PRH1: variants seen among roughly 807,000 people sequenced by gnomAD.
PRH1 encodes salivary acidic proline-rich phosphoprotein 1/2.
A neutral mutation model predicts 7.9 loss-of-function variants in PRH1; 7 were observed. That is an observed-to-expected ratio of 0.89 (90% confidence interval 0.50 to 1.67). PRH1 has a LOEUF of 1.67. Among genes scored for constraint, PRH1 ranks in the 40% most tolerant of loss-of-function variants. The probability of loss-of-function intolerance (pLI) is 0.00; values close to 1 mark genes in which losing one functional copy is unlikely to be tolerated. For synonymous variants in PRH1, 45 were observed against 80.8 expected, an observed-to-expected ratio of 0.56 and a Z score of 2.38; for missense variants, 109 against 223.6, an observed-to-expected ratio of 0.49 and a Z score of 3.27.
At chr12:11,129,478 G>T (rs986134072) in intron 1 of PRH1, among the ~76,000 whole-genome samples, 6 of 152,290 alleles carry the variant, frequency 3.9e-5, no homozygotes, top group African/African-American at 1.4e-4. Flanking sequence ...GAATGGAACT[G>T]GTCACTGTCA....
At chr12:11,039,454 C>T (rs1260922918) in intron 1 of PRH1, among the ~76,000 whole-genome samples, 28 of 152,326 alleles carry the variant, frequency 1.8e-4, no homozygotes, top group Admixed American at 6.5e-5. Context: ...TTTTCCACAT[C>T]GTTGTTGAAG....
intron 2 of PRH1, among the ~76,000 whole-genome samples, chr12:10,945,332 T>C (rs1950469891): frequency 6.6e-6 from 1 of 152,154 alleles, no homozygotes; most frequent in South Asian, 2.1e-4. Flanking sequence ...TTCTTTTCTA[T>C]TTTCCCTAAG....
At chr12:11,149,233 A>T (rs1946980788) in intron 1 of PRH1, among the ~76,000 whole-genome samples, 1 of 151,982 alleles carries the variant, frequency 6.6e-6, no homozygotes, top group Non-Finnish European at 1.5e-5. Flanking sequence ...CTTTCAAAAA[A>T]CCAGCTCCTG....
At chr12:10,896,292 C>A (rs918238238) in intron 2 of PRH1, among the ~76,000 whole-genome samples, 1 of 152,108 alleles carries the variant, frequency 6.6e-6, no homozygotes, top group East Asian at 1.9e-4. Context: ...TCATCTACCA[C>A]CCTGGGCTAG....
chr12:11,122,713 A>ACT (rs1945952107), intron 1 of PRH1, among the ~76,000 whole-genome samples: 2 of 152,294 alleles, frequency 1.3e-5, no homozygotes. Flanking sequence ...GTATACAAAT[A>ACT]GTGGATTTTT....
chr12:11,133,319 T>A (rs1199025126), intron 1 of PRH1: 1 of 1,613,514 alleles, frequency 6.2e-7, no homozygotes, highest in Middle Eastern at 1.7e-4. Flanking sequence ...TGTGAATCTA[T>A]GGAGACGAAG....
chr12:11,141,890 T>A (rs1459540092), intron 1 of PRH1, among the ~76,000 whole-genome samples: 1 of 152,126 alleles, frequency 6.6e-6, no homozygotes, highest in African/African-American at 2.4e-5. Context: ...TGGGCCCAAG[T>A]GGTCCTCCCA....
intron 1 of PRH1, among the ~76,000 whole-genome samples, chr12:11,057,693 A>G (rs912490403): frequency 6.6e-6 from 1 of 152,208 alleles, no homozygotes; most frequent in African/African-American, 2.4e-5. Context: ...GCAGATTACC[A>G]TAAACTTCAA....
At chr12:10,976,912 A>G (rs953783317) in intron 1 of PRH1, among the ~76,000 whole-genome samples, 9 of 152,070 alleles carry the variant, frequency 5.9e-5, no homozygotes, top group Admixed American at 4.6e-4. Flanking sequence ...CCAAAATTGA[A>G]TCAGTAATAA....
chr12:10,957,441 A>G (rs2047680641), intron 2 of PRH1, among the ~76,000 whole-genome samples: 1 of 152,164 alleles, frequency 6.6e-6, no homozygotes, highest in Admixed American at 6.5e-5. Context: ...AAAATGTAAA[A>G]CCTAAAACTA....
At chr12:11,085,478 T>C (rs1488193573) in intron 1 of PRH1, among the ~76,000 whole-genome samples, 1 of 116,858 alleles carries the variant, frequency 8.6e-6, no homozygotes. Flanking sequence ...CAAGGCCTAA[T>C]GGACAAGATT....
intron 1 of PRH1, among the ~76,000 whole-genome samples, chr12:11,151,930 G>T (rs1474263588): frequency 7.9e-6 from 1 of 126,518 alleles, no homozygotes; most frequent in Non-Finnish European, 1.8e-5. Flanking sequence ...CATTTCTTTG[G>T]TATGTCATAT....
chr12:11,030,377 A>G (rs1202855798), intron 1 of PRH1: 11 of 1,599,010 alleles, frequency 6.9e-6, no homozygotes, highest in Non-Finnish European at 9.4e-6. Context: ...GTTTTCTGCT[A>G]GAAGACACAC....
intron 1 of PRH1, among the ~76,000 whole-genome samples, chr12:10,990,150 A>G (rs1358541523): frequency 2.0e-5 from 3 of 152,244 alleles, no homozygotes; most frequent in Non-Finnish European, 2.9e-5. Context: ...AATAGAATAG[A>G]GAATGTGGAA....
chr12:10,973,536 A>G (rs1938933965), intron 2 of PRH1: 1 of 588,122 alleles, frequency 1.7e-6, no homozygotes, highest in Non-Finnish European at 3.1e-6. Flanking sequence ...AGTAGGCTTT[A>G]TGAGAAGTTA....
chr12:11,168,384 GAA>G (rs71055099), intron 1 of PRH1, among the ~76,000 whole-genome samples: 1 of 6,972 alleles, frequency 1.4e-4, no homozygotes, highest in African/African-American at 2.1e-4. Context: ...AAGAAAGAAA[GAA>G]AGAAAGAAAG....
intron 2 of PRH1, chr12:10,908,428 C>A: frequency 6.2e-7 from 1 of 1,613,410 alleles, no homozygotes; most frequent in East Asian, 2.2e-5. Flanking sequence ...AAAAGAAAGG[C>A]CTGTCTTAAC....
At chr12:11,128,901 A>G (rs911855420) in intron 1 of PRH1, among the ~76,000 whole-genome samples, 1 of 147,990 alleles carries the variant, frequency 6.8e-6, no homozygotes, top group African/African-American at 2.5e-5. Flanking sequence ...TTCTCTTGAT[A>G]TTTGACACCA....
chr12:11,118,747 C>A (rs527672287), downstream of PRH1, among the ~76,000 whole-genome samples: 3 of 152,204 alleles, frequency 2.0e-5, no homozygotes, highest in African/African-American at 7.2e-5. Context: ...GTAATCCCAG[C>A]ACTTTGGGAG....
Sources: gnomAD v4.1 joint callset for allele counts (sites outside exome capture counted in the v4.1 genomes callset) on GRCh38, gnomAD v4.1.1 for gene constraint, MANE v1.5 for transcripts, NCBI Gene and HGNC (gene_info 2026-07-23, HGNC 2026-07-21) for gene names.